Variants in IKBKE observed in about 807,000 individuals in gnomAD.
IKBKE encodes inhibitor of nuclear factor kappa-B kinase subunit epsilon.
Under a neutral mutation model 92.1 loss-of-function variants are expected in IKBKE, and 45 were observed. The ratio of observed to expected loss-of-function variants is 0.49; its 90% CI spans 0.38 to 0.63. IKBKE has a LOEUF of 0.63. Ranked by LOEUF, IKBKE falls within the 20% of genes least tolerant of loss-of-function variation. The pLI is 0.00. For synonymous variants in IKBKE, 374 were observed against 380.3 expected (o/e 0.98, Z 0.19); for missense variants, 700 against 932.8 (o/e 0.75, Z 3.25).
rs41296022 is a variant in IKBKE, at chr1:206,476,030, G to A, written c.359-151G>A. 0.026 allele frequency: 17,825 copies of A among 686,422 alleles called. 310 individuals are homozygous for A. Among genetic ancestry groups the A allele is most frequent in the Non-Finnish European group, 0.036 (14,265 of 397,200 alleles). The allele number at this position is 686,422 out of a possible 1,614,324, so 42.5% of individuals were successfully genotyped here. On this transcript the variant is annotated intron_variant, in intron 5 of 21. Coordinates refer to ENST00000581977, the MANE Select transcript of IKBKE (RefSeq NM_014002.4). This position sits in a 1 kb window ranked among gnomAD's most constrained non-coding sequence, Gnocchi z 5.1. The stretch of plus-strand genomic sequence containing the variant: ...GAGATGCCCCCTAAGCCCCATGCAT[G>A]TCTCTGTCCTTCTGCCTGTCCCATG...
chr1:206,487,239 C>T lies in IKBKE; in HGVS notation c.1617-675C>T, dbSNP rs371691162. 6.6e-5 allele frequency among the ~76,000 whole-genome samples: 10 copies of T among 152,282 alleles called. No homozygotes were observed. Among genetic ancestry groups the T allele is most frequent in the Middle Eastern group, 3.4e-3 (1 of 294 alleles). ...AGGAAGAACTTTTCCCAGACACTCCCGACTTCTCAAACAAAGTGTTTGTTT... is the reference window on the plus strand; with the variant it reads ...AGGAAGAACTTTTCCCAGACACTCCTGACTTCTCAAACAAAGTGTTTGTTT... On this transcript the variant is annotated intron_variant, in intron 15 of 21. Coordinates refer to ENST00000581977, the MANE Select transcript of IKBKE (RefSeq NM_014002.4). The surrounding 1 kb of genome is among the most constrained non-coding windows in gnomAD (Gnocchi z 5.3).
intron 5 of IKBKE, among the ~76,000 whole-genome samples, chr1:206,475,511 G>A (rs1665013012): frequency 6.6e-6 from 1 of 152,192 alleles, no homozygotes; most frequent in African/African-American, 2.4e-5. Context: ...CAAGTGGGCG[G>A]ATCATTTGAG....
Position 206,485,105 on chromosome 1 carries a change from G to T in IKBKE, c.1503+33G>T, listed in dbSNP as rs1553388257. ...AGGCTGGAGGGCAAGGGCTTAGCAG[G>T]ATCAGAGCTGGGGGCCCGTGTTCCA... On this transcript the variant is annotated intron_variant, in intron 14 of 21. Coordinates refer to ENST00000581977, the MANE Select transcript of IKBKE (RefSeq NM_014002.4). This position sits in a 1 kb window ranked among gnomAD's most constrained non-coding sequence, Gnocchi z 5.0. 1 of 1,605,884 alleles carries T rather than the reference G, an allele frequency of 6.2e-7. No homozygotes were observed. The highest frequency in any genetic ancestry group is 8.5e-7 in the Non-Finnish European group (1 of 1,172,502).
chr1:206,488,238 C>T (rs1665767581), intron 16 of IKBKE, among the ~76,000 whole-genome samples: 1 of 152,236 alleles, frequency 6.6e-6, no homozygotes, highest in Non-Finnish European at 1.5e-5. Context: ...TGCCTGTTGC[C>T]ACATGAGAGA....
In IKBKE at chr1:206,476,406, C is replaced by T; in HGVS notation, c.540+44C>T. ...ACCCGCTGCCCTATGCTGAGGGCTC[C>T]CCTTGCCTTGTGAGCCCCCCAGAGC... On this transcript the variant is annotated intron_variant, in intron 6 of 21. Coordinates refer to ENST00000581977, the MANE Select transcript of IKBKE (RefSeq NM_014002.4). The surrounding 1 kb of genome is among the most constrained non-coding windows in gnomAD (Gnocchi z 5.1). 1 of 1,558,420 alleles carries T rather than the reference C, an allele frequency of 6.4e-7. No individual in the cohort carries two copies. Among genetic ancestry groups the T allele is most frequent in the Non-Finnish European group, 8.7e-7 (1 of 1,145,106 alleles).
chr1:206,494,896 G>A (rs41299886), intron 21 of IKBKE, among the ~76,000 whole-genome samples: 3,285 of 149,720 alleles, frequency 0.022, 68 homozygotes, highest in African/African-American at 0.065. Flanking sequence ...GAACCACTGC[G>A]CCCGGCTACG....
rs1664850654 is a variant in IKBKE, at chr1:206,472,767, T to C, written c.-32-429T>C. On this transcript the variant is annotated intron_variant, in intron 2 of 21. Coordinates refer to ENST00000581977, the MANE Select transcript of IKBKE (RefSeq NM_014002.4). ...TGGAGATTTGTGGTGGTGTGGGAGATGCTCCCTGACCCTGGGCCCTTCCTC... is the reference window on the plus strand; with the variant it reads ...TGGAGATTTGTGGTGGTGTGGGAGACGCTCCCTGACCCTGGGCCCTTCCTC... 8 of 209,504 alleles carry C rather than the reference T, an allele frequency of 3.8e-5. No homozygotes were observed. The South Asian group carries it at 5.1e-4, about 13-fold the overall frequency. 13.0% of individuals were successfully genotyped at this position (209,504 alleles called of 1,614,324 possible).
At chr1:206,492,595 T>C (rs1553390749) in intron 18 of IKBKE, 1 of 472,714 alleles carries the variant, frequency 2.1e-6, no homozygotes, top group Non-Finnish European at 4.4e-6. Context: ...CTCTGGGCCT[T>C]GGGGAAAATG....
chr1:206,489,126 A>G (rs1254610221), intron 16 of IKBKE, among the ~76,000 whole-genome samples: 1 of 151,112 alleles, frequency 6.6e-6, no homozygotes, highest in African/African-American at 2.4e-5. Context: ...TGTCGCCTCA[A>G]CCTCCTGGGC....
At position 206,496,139 on chromosome 1, in the gene IKBKE, T is replaced by C. The variant is rs782589733; in HGVS notation, c.2145T>C (p.Asp715=). The change falls in exon 22 of 22, where the codon GAT becomes GAC. Residue 715 remains aspartate (D), a synonymous_variant. Coordinates refer to ENST00000581977, the MANE Select transcript of IKBKE (RefSeq NM_014002.4). ...ERLNRVPAPP[D]V ...TAAATAGAGTCCCAGCACCTCCTGA[T>C]GTCTGAGCTCCATGGGGCACATGAG... 2.5e-6 allele frequency: 4 copies of C among 1,613,086 alleles called. No individual in the cohort carries two copies. Among genetic ancestry groups the C allele is most frequent in the Non-Finnish European group, 3.4e-6 (4 of 1,179,024 alleles).
intron 21 of IKBKE, among the ~76,000 whole-genome samples, chr1:206,495,263 G>C (rs564100231): frequency 2.0e-5 from 3 of 152,172 alleles, no homozygotes; most frequent in African/African-American, 7.2e-5. Context: ...TACCAACTGC[G>C]TGACCCTGGG....
At chr1:206,492,401 G>A (rs1665994216) in intron 18 of IKBKE, 1 of 466,916 alleles carries the variant, frequency 2.1e-6, no homozygotes, top group Admixed American at 2.4e-5. Flanking sequence ...CCTTGTTATG[G>A]GGCTGAGACC....
rs41299043 is a variant in IKBKE, at chr1:206,488,396, A to G, written c.1693+406A>G. On this transcript the variant is annotated intron_variant, in intron 16 of 21. Transcript: ENST00000581977. Reference sequence around the variant, plus strand: ...GTGTCCTTGGGACACTGAGACAGTCAGGTTTTCCAGAAAAGGGGGGGTCAG... The same window carrying G: ...GTGTCCTTGGGACACTGAGACAGTCGGGTTTTCCAGAAAAGGGGGGGTCAG... Among the ~76,000 whole-genome samples the G allele has an allele frequency of 2.4e-3, 369 of 152,318 alleles. 4 individuals carry two copies. The highest frequency in any genetic ancestry group is 8.4e-3 in the African/African-American group (347 of 41,544).
rs771328607 is a variant in IKBKE, at chr1:206,473,266, C to A, written c.39C>A (p.Asp13Glu). 27 of 1,613,246 alleles carry A rather than the reference C, an allele frequency of 1.7e-5. No individual in the cohort carries two copies. The highest frequency in any genetic ancestry group is 2.1e-5 in the Non-Finnish European group (25 of 1,179,706). The change falls in exon 3 of 22, where the codon GAC becomes GAA. Residue 13 changes from aspartate to glutamate, a missense_variant. By Grantham distance (45) the Asp-to-Glu change is conservative (BLOSUM62 2). Transcript: ENST00000581977. ...CCAATTACCTGTGGCACACAGATGA[C>A]CTGCTGGGGCAGGGGGCCACTGCCA... ...STANYLWHTD[D>E]LLGQGATASV...
chr1:206,486,249 A>T (rs1232092016), intron 15 of IKBKE, among the ~76,000 whole-genome samples: 1 of 152,286 alleles, frequency 6.6e-6, no homozygotes, highest in Non-Finnish European at 1.5e-5. Flanking sequence ...CCTTTCTGAT[A>T]TCAGAAGACG....
In IKBKE at chr1:206,485,178, C is replaced by T. The variant is rs2103472117; in HGVS notation, c.1504-16C>T. Reference sequence around the variant, plus strand: ...AGGCTGAAGACCCCACGGGGGTCTGCCTTTGTGCCCCACAGCTAGCGGAGG... The same window carrying T: ...AGGCTGAAGACCCCACGGGGGTCTGTCTTTGTGCCCCACAGCTAGCGGAGG... On this transcript the variant is annotated splice_polypyrimidine_tract_variant and intron_variant, in intron 14 of 21. Transcript: ENST00000581977. This position sits in a 1 kb window ranked among gnomAD's most constrained non-coding sequence, Gnocchi z 5.0. 1.9e-6 allele frequency: 3 copies of T among 1,602,120 alleles called. No individual in the cohort carries two copies. The highest frequency in any genetic ancestry group is 2.6e-6 in the Non-Finnish European group (3 of 1,169,054).
At position 206,474,470 on chromosome 1, in the gene IKBKE, C is replaced by T. The variant is rs554685342; in HGVS notation, c.227C>T (p.Thr76Met). 54 of 1,611,922 alleles carry T rather than the reference C, an allele frequency of 3.4e-5. No homozygotes were observed. The highest frequency in any genetic ancestry group is 2.9e-4 in the East Asian group (13 of 44,860). Residue 76 changes from threonine to methionine, a missense_variant and splice_region_variant, in exon 4 of 22, where the codon ACG becomes ATG. By Grantham distance (81) the Thr-to-Met change is moderately conservative. Coordinates refer to ENST00000581977, the MANE Select transcript of IKBKE (RefSeq NM_014002.4). Reference sequence around the variant, plus strand: ...GTCAAGCTCTTTGCGGTGGAGGAGACGGTAGGTCCGGTGCTTGGTCAGAGA... The same window carrying T: ...GTCAAGCTCTTTGCGGTGGAGGAGATGGTAGGTCCGGTGCTTGGTCAGAGA... The part of the protein sequence containing the change: ...NIVKLFAVEE[T>M]GGSRQKVLVM...
At position 206,485,489 on chromosome 1, in the gene IKBKE, C is replaced by T. The variant is rs1665607828; in HGVS notation, c.1616+183C>T. On this transcript the variant is annotated intron_variant, in intron 15 of 21. Transcript: ENST00000581977. This position sits in a 1 kb window ranked among gnomAD's most constrained non-coding sequence, Gnocchi z 5.0. Reference sequence around the variant, plus strand: ...AAGAACCCCCCGACTGCCCCAGACACCAGCCAGGAGGAGAAAAGGATCTGG... The same window carrying T: ...AAGAACCCCCCGACTGCCCCAGACATCAGCCAGGAGGAGAAAAGGATCTGG... Among the ~76,000 whole-genome samples, 2 of 152,164 alleles carry T rather than the reference C, an allele frequency of 1.3e-5. No individual in the cohort carries two copies. Among genetic ancestry groups the T allele is most frequent in the African/African-American group, 4.8e-5 (2 of 41,444 alleles).
rs150146648 is a variant in IKBKE, at chr1:206,474,592, C to A, written c.228+121C>A. 8.1e-3 allele frequency: 7,035 copies of A among 864,666 alleles called. 36 individuals carry two copies. The highest frequency in any genetic ancestry group is 0.011 in the Non-Finnish European group (6,565 of 582,760). The allele number at this position is 864,666 out of a possible 1,614,324, so 53.6% of individuals were successfully genotyped here. ...TCATCAGCAGGTCAGAGACAGCAGG[C>A]AAATTGCAGAAGGGAGCAAAGGGGG... On this transcript the variant is annotated intron_variant, in intron 4 of 21. Transcript: ENST00000581977.
Sources: allele counts gnomAD v4.1 joint callset (sites outside exome capture counted in the v4.1 genomes callset), GRCh38; gene constraint gnomAD v4.1.1; non-coding constraint Gnocchi (gnomAD v3.1); transcripts MANE v1.5; gene names NCBI Gene and HGNC (gene_info 2026-07-23, HGNC 2026-07-21).